Variants in LONP2 observed in about 807,000 individuals in gnomAD.
The protein encoded by LONP2 is lon peptidase 2, peroxisomal.
LONP2 carries 60 observed loss-of-function variants against 85.6 expected under a neutral mutation model. The observed-to-expected ratio is 0.70, with a 90% CI of 0.57 to 0.87. The LOEUF is 0.87. Among genes scored for constraint, LONP2 ranks in the 40% least tolerant of loss-of-function variants. LONP2 has a pLI of 0.00. For synonymous variants in LONP2, 395 were observed against 389.7 expected, an observed-to-expected ratio of 1.01 and a Z score of -0.16; for missense variants, 860 against 1,063.5, an observed-to-expected ratio of 0.81 and a Z score of 2.66.
At chr16:48,279,459 C>A (rs1596939878) in intron 8 of LONP2, among the ~76,000 whole-genome samples, 1 of 152,046 alleles carries the variant, frequency 6.6e-6, no homozygotes, top group East Asian at 1.9e-4. Context: ...GGCCTGGCTG[C>A]CATCATTCTG....
chr16:48,299,872 A>G, intron 10 of LONP2, 84 bp downstream of exon 10: 5 of 1,390,242 alleles, frequency 3.6e-6, no homozygotes, highest in Non-Finnish European at 4.9e-6. Flanking sequence ...TAGAGTATCA[A>G]TATTTGAGTT....
chr16:48,244,816 A>G (rs1258261664), intron 1 of LONP2, among the ~76,000 whole-genome samples, 195 bp downstream of exon 1: 1 of 152,214 alleles, frequency 6.6e-6, no homozygotes, highest in East Asian at 1.9e-4. Flanking sequence ...GAGATCGTTC[A>G]TGAAGTAGTG....
At chr16:48,298,930 GC>G (rs1972738101) in intron 9 of LONP2, among the ~76,000 whole-genome samples, 1 of 149,842 alleles carries the variant, frequency 6.7e-6, no homozygotes, top group South Asian at 2.1e-4. Flanking sequence ...AGTCTCTGTT[GC>G]CCAGGCTGGA....
chr16:48,338,332 A>G (rs369466518), intron 12 of LONP2, among the ~76,000 whole-genome samples: 1 of 152,190 alleles, frequency 6.6e-6, no homozygotes, highest in Non-Finnish European at 1.5e-5. Flanking sequence ...AATAATCACA[A>G]ATTGAAGTTG....
At chr16:48,298,626 GGT>G (rs3138605) in intron 9 of LONP2, among the ~76,000 whole-genome samples, 3,951 of 134,344 alleles carry the variant, frequency 0.029, 118 homozygotes, top group African/African-American at 0.073. Context: ...ATTTAATTGA[GGT>G]GTGTGTGTGT....
At chr16:48,309,968 T>C (rs1342634422) in intron 11 of LONP2, among the ~76,000 whole-genome samples, 2 of 152,172 alleles carry the variant, frequency 1.3e-5, no homozygotes, top group Non-Finnish European at 2.9e-5. Context: ...GTATTTGTTT[T>C]ATTAATCTGG....
At chr16:48,305,571 T>G (rs1972897192) in intron 11 of LONP2, among the ~76,000 whole-genome samples, 1 of 152,092 alleles carries the variant, frequency 6.6e-6, no homozygotes, top group Non-Finnish European at 1.5e-5. Context: ...TTATTTTTTA[T>G]TTTTACTCTG....
At chr16:48,325,320 A>C (rs977995179) in intron 11 of LONP2, among the ~76,000 whole-genome samples, 1 of 152,172 alleles carries the variant, frequency 6.6e-6, no homozygotes, top group Admixed American at 6.5e-5. Context: ...TCCACAGCCT[A>C]GGGTTTGGGG....
chr16:48,317,186 T>C (rs975433767), intron 11 of LONP2, among the ~76,000 whole-genome samples: 6 of 152,208 alleles, frequency 3.9e-5, no homozygotes, highest in African/African-American at 1.2e-4. Flanking sequence ...GGCTTCTCCT[T>C]TCTCCTGGGT....
At chr16:48,261,785 G>A (rs1037183091) in intron 5 of LONP2, among the ~76,000 whole-genome samples, 198 bp downstream of exon 5, 2 of 151,548 alleles carry the variant, frequency 1.3e-5, no homozygotes, top group Non-Finnish European at 2.9e-5. Context: ...TTGTTTATAC[G>A]TAATGTTTGT....
At chr16:48,257,306 CTAAATAAA>C (rs961283806) in intron 3 of LONP2, among the ~76,000 whole-genome samples, 4 of 151,682 alleles carry the variant, frequency 2.6e-5, no homozygotes, top group Non-Finnish European at 5.9e-5. Flanking sequence ...GACTCTGCCT[CTAAATAAA>C]TAAATAAATA....
intron 12 of LONP2, chr16:48,344,135 G>A (rs1959896287): frequency 6.6e-6 from 1 of 152,192 alleles, no homozygotes; most frequent in Admixed American, 6.5e-5. Context: ...CTGGAAAACT[G>A]TCTCCACTCA....
At chr16:48,259,057 T>C (rs1184117456) in intron 4 of LONP2, among the ~76,000 whole-genome samples, 1 of 152,242 alleles carries the variant, frequency 6.6e-6, no homozygotes, top group Admixed American at 6.5e-5. Flanking sequence ...TTTTACTGCA[T>C]GTAATACTAA....
intron 12 of LONP2, chr16:48,336,581 TAC>T (rs1959656480): frequency 2.6e-6 from 1 of 381,284 alleles, no homozygotes; most frequent in African/African-American, 2.1e-5. Flanking sequence ...AGTGGAAAAT[TAC>T]AGTCAAAGGG....
Position 48,351,713 on chromosome 16 carries a change from G to A in LONP2, c.2470G>A (p.Ala824Thr), listed in dbSNP as rs1297762819. Residue 824 changes from alanine (A) to threonine (T), a missense_variant, in exon 15 of 15, where the codon GCA becomes ACA. Physicochemically the swap from Ala to Thr is moderately conservative, Grantham distance 58. Around this residue, in one of 3 missense-constraint regions of LONP2, gnomAD observed 115 missense variants for 129.0 expected, o/e 0.89. Coordinates refer to ENST00000285737, the MANE Select transcript of LONP2 (RefSeq NM_031490.5). ...NVRQDLSFVT[A>T]SCLDEVLNAA... ...ACGACAGGATTTAAGTTTTGTCACA[G>A]CAAGCTGCCTGGATGAGGTTCTTAA... 6.2e-7 allele frequency: 1 copy of A among 1,614,168 alleles called. No homozygotes were observed. Among genetic ancestry groups the A allele is most frequent in the South Asian group, 1.1e-5 (1 of 91,080 alleles).
At chr16:48,344,150 C>T (rs1959896765) in intron 12 of LONP2, 1 of 152,198 alleles carries the variant, frequency 6.6e-6, no homozygotes, top group Admixed American at 6.5e-5. Context: ...CACTCAAGAG[C>T]AAGAAAGCAG....
At chr16:48,245,991 CTGAA>C (rs1971360048) in intron 1 of LONP2, among the ~76,000 whole-genome samples, 1 of 152,108 alleles carries the variant, frequency 6.6e-6, no homozygotes. Flanking sequence ...GTTCCTGACT[CTGAA>C]TGGATTTCCG....
At chr16:48,303,821 A>G (rs1400128459) in intron 11 of LONP2, among the ~76,000 whole-genome samples, 1 of 152,186 alleles carries the variant, frequency 6.6e-6, no homozygotes, top group Non-Finnish European at 1.5e-5. Context: ...CGAGTCCAAT[A>G]TTCGAGGGCA....
intron 1 of LONP2, among the ~76,000 whole-genome samples, chr16:48,249,990 G>A (rs931197503): frequency 1.3e-5 from 2 of 152,030 alleles, no homozygotes; most frequent in African/African-American, 4.8e-5. Context: ...TCAGGAGTTC[G>A]AGACCAGCCT....
Sources: allele counts gnomAD v4.1 joint callset (sites outside exome capture counted in the v4.1 genomes callset), GRCh38; gene constraint gnomAD v4.1.1; regional missense constraint gnomAD v4.1.1; transcripts MANE v1.5; gene names NCBI Gene and HGNC (gene_info 2026-07-23, HGNC 2026-07-21).